RBFOX1: variants seen among roughly 807,000 people sequenced by gnomAD.
The protein encoded by RBFOX1 is RNA binding fox-1 homolog 1.
RBFOX1 carries 8 observed loss-of-function variants against 57.7 expected under a neutral mutation model. That is an observed-to-expected ratio of 0.14 (90% confidence interval 0.08 to 0.25). The LOEUF (loss-of-function observed/expected upper bound fraction) is 0.25. Ranked by LOEUF, RBFOX1 falls within the 10% of genes least tolerant of loss-of-function variation. The pLI is 1.00. For missense variants in RBFOX1, 611 were observed against 548.5 expected (o/e 1.11, Z -1.14); for synonymous variants, 326 against 222.4 (o/e 1.47, Z -4.15).
Position 6,106,878 on chromosome 16 carries a change from A to G in RBFOX1, c.-127+86886A>G, listed in dbSNP as rs567120693. 2.8e-4 allele frequency among the ~76,000 whole-genome samples: 43 copies of G among 151,982 alleles called. 1 individual carries two copies. In the South Asian group the frequency reaches 6.9e-3, roughly 24 times the overall value. Reference sequence around the variant, plus strand: ...AGTAGAGACGGGGTTTCACTGTGTTAGCCAGGATGGTCTCAATCTCCTGAC... The same window carrying G: ...AGTAGAGACGGGGTTTCACTGTGTTGGCCAGGATGGTCTCAATCTCCTGAC... On this transcript the variant is annotated intron_variant, in intron 1 of 15. Coordinates refer to ENST00000550418, the MANE Select transcript of RBFOX1 (RefSeq NM_018723.4).
rs1256078067 is a variant in RBFOX1 at position 7,664,947 on chromosome 16, A to T, written c.909A>T (p.Gly303=). Residue 303 remains glycine, a synonymous_variant, in exon 13 of 16, where the codon GGA becomes GGT. Transcript: ENST00000550418. ...CTTGCAGTGTTGTTTACCAGGATGG[A>T]TTTTATGGTGCAGACATTTATGTAA... ...PAYGGVVYQD[G]FYGADIYGGY... The T allele has an allele frequency of 5.6e-6, 9 of 1,613,734 alleles. No individual in the cohort carries two copies. Among genetic ancestry groups the T allele is most frequent in the Non-Finnish European group, 7.6e-6 (9 of 1,179,842 alleles).
intron 4 of RBFOX1, among the ~76,000 whole-genome samples, chr16:7,184,847 G>C (rs529755018): frequency 3.9e-5 from 6 of 152,294 alleles, no homozygotes; most frequent in African/African-American, 9.6e-5. Context: ...AGGTGTGTTT[G>C]TGTGTTGAAG....
At chr16:6,513,579 C>G (rs1017115638) in intron 2 of RBFOX1, among the ~76,000 whole-genome samples, 1 of 151,966 alleles carries the variant, frequency 6.6e-6, no homozygotes, top group Non-Finnish European at 1.5e-5. Flanking sequence ...ACTAAAAATA[C>G]AAAAATTAGC....
At chr16:6,909,656 G>A (rs1173455612) in intron 3 of RBFOX1, among the ~76,000 whole-genome samples, 1 of 152,218 alleles carries the variant, frequency 6.6e-6, no homozygotes, top group African/African-American at 2.4e-5. Flanking sequence ...ATTATCAAGT[G>A]AGGATAGAGA....
chr16:5,593,345 G>A (rs1017996276), intron 2 of RBFOX1, among the ~76,000 whole-genome samples: 1 of 151,574 alleles, frequency 6.6e-6, no homozygotes, highest in Non-Finnish European at 1.5e-5. Context: ...CTGTCAGAGG[G>A]TGGGGGGTTA....
intron 14 of RBFOX1, among the ~76,000 whole-genome samples, chr16:7,679,167 G>C (rs1028449636): frequency 2.0e-5 from 3 of 152,106 alleles, no homozygotes; most frequent in Non-Finnish European, 2.9e-5. Flanking sequence ...CTATTAAATG[G>C]TGCTACTTCC....
intron 2 of RBFOX1, among the ~76,000 whole-genome samples, chr16:5,592,557 C>T (rs1369564963): frequency 6.6e-6 from 1 of 152,082 alleles, no homozygotes; most frequent in African/African-American, 2.4e-5. Context: ...GCTGGGATTA[C>T]AGACTCCCAC....
chr16:6,351,531 G>T (rs892966404), intron 2 of RBFOX1, among the ~76,000 whole-genome samples: 3 of 151,374 alleles, frequency 2.0e-5, no homozygotes, highest in Non-Finnish European at 2.9e-5. Flanking sequence ...CTGCCACCCT[G>T]CCCAGCTAAC....
intron 3 of RBFOX1, among the ~76,000 whole-genome samples, chr16:6,783,955 T>C (rs1028301025): frequency 6.6e-6 from 1 of 152,192 alleles, no homozygotes; most frequent in Non-Finnish European, 1.5e-5. Context: ...ACTTTAAATA[T>C]GTCATCCCAC....
At chr16:5,506,279 G>A (rs1166226095) in intron 2 of RBFOX1, among the ~76,000 whole-genome samples, 6 of 152,318 alleles carry the variant, frequency 3.9e-5, no homozygotes, top group South Asian at 2.1e-4. Context: ...CCACATTTGC[G>A]AGAATAGGAT....
chr16:7,461,987 A>G (rs2059667713), intron 4 of RBFOX1, among the ~76,000 whole-genome samples: 1 of 152,212 alleles, frequency 6.6e-6, no homozygotes, highest in African/African-American at 2.4e-5. Context: ...AAGGAGGATT[A>G]AAGAATGAAA....
At chr16:6,442,488 C>G (rs547274117) in intron 2 of RBFOX1, among the ~76,000 whole-genome samples, 32 of 151,424 alleles carry the variant, frequency 2.1e-4, no homozygotes, top group African/African-American at 7.3e-4. Flanking sequence ...GCCTGGGAAG[C>G]GGAGGTTGCA....
intron 13 of RBFOX1, among the ~76,000 whole-genome samples, chr16:7,674,813 C>G (rs909305036): frequency 8.5e-5 from 13 of 152,310 alleles, no homozygotes; most frequent in African/African-American, 3.1e-4. Context: ...CGCAGCAATT[C>G]TTCCCATTTA....
At chr16:7,017,825 GTTTA>G (rs756761926) in intron 3 of RBFOX1, among the ~76,000 whole-genome samples, 38 of 152,110 alleles carry the variant, frequency 2.5e-4, no homozygotes, top group Admixed American at 8.5e-4. Flanking sequence ...TCTTCTGTTT[GTTTA>G]TTTATTTATT....
chr16:6,216,485 A>C (rs906294242), intron 1 of RBFOX1, among the ~76,000 whole-genome samples: 1 of 152,168 alleles, frequency 6.6e-6, no homozygotes, highest in African/African-American at 2.4e-5. Flanking sequence ...TGTATCGCTG[A>C]AGAGAGTGAC....
chr16:7,201,394 C>G (rs11642035), intron 4 of RBFOX1, among the ~76,000 whole-genome samples: 30,877 of 151,664 alleles, frequency 0.2, 3,736 homozygotes, highest in Non-Finnish European at 0.29. Context: ...GGATTCTATT[C>G]TGGCTGAGGC....
In RBFOX1 at chr16:6,826,930, G is replaced by A. The variant is rs188666455; in HGVS notation, c.-16+172280G>A. Among the ~76,000 whole-genome samples the A allele has an allele frequency of 2.3e-4, 35 of 152,178 alleles. No homozygotes were observed. The East Asian group carries it at 6.0e-3, about 26-fold the overall frequency. ...CTGAATCTCTGATGTTCCATTTTTTGTGCAAATGGAAGAAATAGGTGAGGA... is the reference window on the plus strand; with the variant it reads ...CTGAATCTCTGATGTTCCATTTTTTATGCAAATGGAAGAAATAGGTGAGGA... On this transcript the variant is annotated intron_variant, in intron 3 of 15. Transcript: ENST00000550418.
intron 3 of RBFOX1, among the ~76,000 whole-genome samples, chr16:6,858,154 A>C (rs2058249711): frequency 6.6e-6 from 1 of 152,226 alleles, no homozygotes; most frequent in South Asian, 2.1e-4. Context: ...ACTGTAATTT[A>C]ATATTTGAAG....
chr16:6,207,261 A>G (rs2097261543), intron 1 of RBFOX1, among the ~76,000 whole-genome samples: 2 of 152,194 alleles, frequency 1.3e-5, no homozygotes, highest in Non-Finnish European at 2.9e-5. Flanking sequence ...AGCATTTTGC[A>G]TAAGGCACAC....
Sources: gnomAD v4.1 joint callset for allele counts (sites outside exome capture counted in the v4.1 genomes callset) on GRCh38, gnomAD v4.1.1 for gene constraint, MANE v1.5 for transcripts, NCBI Gene and HGNC (gene_info 2026-07-23, HGNC 2026-07-21) for gene names.